Variants in SH3PXD2A observed in about 807,000 individuals in gnomAD.
SH3PXD2A encodes SH3 and PX domains 2A.
Under a neutral mutation model 115.2 loss-of-function variants are expected in SH3PXD2A, and 32 were observed. That is an observed-to-expected ratio of 0.28 (90% confidence interval 0.21 to 0.37). The LOEUF (loss-of-function observed/expected upper bound fraction) is 0.37, where lower values mean the gene tolerates loss of function less well. SH3PXD2A is among the 10% of genes least tolerant of loss of function. The pLI is 1.00. For synonymous variants in SH3PXD2A, 610 were observed against 629.1 expected, an observed-to-expected ratio of 0.97 and a Z score of 0.45; for missense variants, 1,328 against 1,498.7, an observed-to-expected ratio of 0.89 and a Z score of 1.88.
rs2039537409 is a variant in SH3PXD2A, at chr10:103,836,138, A to G, written c.72+19057T>C. Reference sequence around the variant, plus strand: ...GGTCTATGGGCACCTGCCTGGCACCAAAGAGGCAATGGAGGAAAAGATCAA... The same window carrying G: ...GGTCTATGGGCACCTGCCTGGCACCGAAGAGGCAATGGAGGAAAAGATCAA... On this transcript the variant is annotated intron_variant, in intron 1 of 14. Coordinates refer to ENST00000369774, the MANE Select transcript of SH3PXD2A (RefSeq NM_001394015.1). Among the ~76,000 whole-genome samples the G allele has an allele frequency of 2.0e-5, 3 of 152,324 alleles. No homozygotes were observed. The South Asian group carries it at 6.2e-4, about 32-fold the overall frequency.
intron 11 of SH3PXD2A, among the ~76,000 whole-genome samples, chr10:103,616,066 G>A (rs1408897618): frequency 6.6e-6 from 1 of 151,948 alleles, no homozygotes; most frequent in African/African-American, 2.4e-5. Flanking sequence ...GGTGTGGTGC[G>A]TGCCATGGAG....
intron 1 of SH3PXD2A, among the ~76,000 whole-genome samples, chr10:103,824,257 G>A (rs893650916): frequency 3.3e-5 from 5 of 152,188 alleles, no homozygotes; most frequent in Non-Finnish European, 7.3e-5. Context: ...TTTAAAATGG[G>A]AAGGCATGAG....
intron 8 of SH3PXD2A, among the ~76,000 whole-genome samples, chr10:103,628,528 C>T (rs11191750): frequency 0.19 from 28,669 of 151,786 alleles, 2,951 homozygotes; most frequent in East Asian, 0.28. Flanking sequence ...TACCTCTGAG[C>T]TACTGGCTCA....
At position 103,668,628 on chromosome 10, in the gene SH3PXD2A, G is replaced by T; in HGVS notation, c.452C>A (p.Ser151Ter). The T allele has an allele frequency of 6.4e-7, 1 of 1,558,276 alleles. No homozygotes were observed. Among genetic ancestry groups the T allele is most frequent in the South Asian group, 1.2e-5 (1 of 84,422 alleles). The stretch of plus-strand genomic sequence containing the variant: ...AGTACCTGTCACGTCCTTCTTGGGC[G>T]ACTCAGCCCAGCTGGACAGCCACAC... ...KSVWLSSWAE[S>*]PKKDVTGADA... Residue 151 changes from serine (S) to a stop codon, truncating the protein, a stop_gained, in exon 7 of 15, where the codon TCG (serine) becomes TAG (stop). Transcript: ENST00000369774. LOFTEE classifies it high-confidence loss of function.
chr10:103,677,783 G>A (rs1347755327), intron 6 of SH3PXD2A, among the ~76,000 whole-genome samples: 1 of 152,192 alleles, frequency 6.6e-6, no homozygotes, highest in East Asian at 1.9e-4. Context: ...GAATGCAGGA[G>A]GTGCCCAATT....
At chr10:103,644,297 A>G (rs556091281) in intron 8 of SH3PXD2A, among the ~76,000 whole-genome samples, 4 of 151,762 alleles carry the variant, frequency 2.6e-5, no homozygotes, top group Non-Finnish European at 5.9e-5. Context: ...TGAAAAGGAT[A>G]GGCCAGGTGC....
chr10:103,642,810 A>T (rs145543710), intron 8 of SH3PXD2A, among the ~76,000 whole-genome samples: 84 of 152,298 alleles, frequency 5.5e-4, no homozygotes, highest in Middle Eastern at 3.4e-3. Flanking sequence ...TAAGATGCGT[A>T]CATGTACGAG....
intron 1 of SH3PXD2A, among the ~76,000 whole-genome samples, chr10:103,828,632 G>A (rs190690245): frequency 2.2e-3 from 330 of 152,260 alleles, no homozygotes; most frequent in Middle Eastern, 6.8e-3. Context: ...GAGCCCTCCT[G>A]GCTGAGATGC....
rs186322214 is a variant in SH3PXD2A at position 103,840,185 on chromosome 10, G to A, written c.72+15010C>T. On this transcript the variant is annotated intron_variant, in intron 1 of 14. Transcript: ENST00000369774. ...AACAATAAACTGAACAGGGCAGGGC[G>A]GGGAGGTTGCCCCGCTTCCAGCTAA... 2.7e-3 allele frequency among the ~76,000 whole-genome samples: 412 copies of A among 152,338 alleles called. 2 individuals carry two copies. The highest frequency in any genetic ancestry group is 8.8e-3 in the African/African-American group (365 of 41,570).
intron 2 of SH3PXD2A, among the ~76,000 whole-genome samples, chr10:103,792,041 G>GT (rs1331444538): frequency 6.6e-6 from 1 of 152,130 alleles, no homozygotes; most frequent in African/African-American, 2.4e-5. Context: ...ACAGGCACAA[G>GT]TTGAAAGGGG....
chr10:103,729,336 C>G (rs2038286133), intron 4 of SH3PXD2A, among the ~76,000 whole-genome samples: 1 of 152,258 alleles, frequency 6.6e-6, no homozygotes, highest in South Asian at 2.1e-4. Flanking sequence ...CCCTGTGGAA[C>G]ACAGCTGAGG....
At chr10:103,684,329 G>A (rs753500588) in intron 6 of SH3PXD2A, among the ~76,000 whole-genome samples, 103 of 151,716 alleles carry the variant, frequency 6.8e-4, no homozygotes, top group Non-Finnish European at 1.4e-3. Flanking sequence ...TCTATAAAAG[G>A]AGGAGAATAG....
chr10:103,723,180 G>A (rs962318321), intron 5 of SH3PXD2A, among the ~76,000 whole-genome samples: 7 of 152,096 alleles, frequency 4.6e-5, no homozygotes, highest in African/African-American at 1.7e-4. Flanking sequence ...CTGGCCCAGA[G>A]GGTTCCTGTG....
intron 8 of SH3PXD2A, among the ~76,000 whole-genome samples, chr10:103,645,397 A>G (rs1301002244): frequency 6.6e-6 from 1 of 152,238 alleles, no homozygotes; most frequent in Admixed American, 6.5e-5. Context: ...TTCGACCCAC[A>G]GCAAGCATCT....
At chr10:103,772,472 T>G (rs1219778256) in intron 2 of SH3PXD2A, among the ~76,000 whole-genome samples, 1 of 152,176 alleles carries the variant, frequency 6.6e-6, no homozygotes, top group Admixed American at 6.5e-5. Flanking sequence ...CGGGCCTGAC[T>G]CAGGCTGGAG....
At chr10:103,709,113 C>T (rs373441221) in intron 5 of SH3PXD2A, among the ~76,000 whole-genome samples, 4 of 152,210 alleles carry the variant, frequency 2.6e-5, no homozygotes, top group African/African-American at 9.6e-5. Flanking sequence ...TCAGAGGAGC[C>T]AGTCCCTTCT....
chr10:103,775,385 A>T (rs1481544664), intron 2 of SH3PXD2A, among the ~76,000 whole-genome samples: 1 of 152,302 alleles, frequency 6.6e-6, no homozygotes, highest in East Asian at 1.9e-4. Flanking sequence ...AACTAGCAGC[A>T]TTAAGTGGGT....
chr10:103,764,884 A>G (rs981186713), intron 3 of SH3PXD2A, among the ~76,000 whole-genome samples: 8 of 152,182 alleles, frequency 5.3e-5, no homozygotes, highest in African/African-American at 1.9e-4. Flanking sequence ...AGTCAGTAAA[A>G]TGGGGATGAT....
chr10:103,831,504 CAT>C (rs1246202910), intron 1 of SH3PXD2A, among the ~76,000 whole-genome samples: 1 of 152,080 alleles, frequency 6.6e-6, no homozygotes. Context: ...AGGCATAACT[CAT>C]ATACTATTAA....
Sources: gnomAD v4.1 joint callset for allele counts (sites outside exome capture counted in the v4.1 genomes callset) on GRCh38, gnomAD v4.1.1 for gene constraint, MANE v1.5 for transcripts, NCBI Gene and HGNC (gene_info 2026-07-23, HGNC 2026-07-21) for gene names.